The following CYP4F12 variants were observed in gnomAD, a reference collection of about 807,000 sequenced individuals.
CYP4F12 encodes the protein cytochrome P450 4F12.
In CYP4F12, 60 loss-of-function variants were observed where a neutral mutation model predicts 56.5. That is an observed-to-expected ratio of 1.06 (90% CI 0.86 to 1.32). The LOEUF (loss-of-function observed/expected upper bound fraction) is 1.32, where lower values mean the gene tolerates loss of function less well. CYP4F12 is among the 40% of genes most tolerant of loss of function. The pLI is 0.00. For synonymous variants in CYP4F12, 263 were observed against 264.9 expected, an observed-to-expected ratio of 0.99 and a Z score of 0.07; for missense variants, 711 against 683.5, an observed-to-expected ratio of 1.04 and a Z score of -0.45.
Position 15,673,589 on chromosome 19 carries a change from A to C in CYP4F12, c.60A>C (p.Leu20=), listed in dbSNP as rs2006733422. Residue 20 remains leucine, a synonymous_variant, in exon 2 of 13, where the codon CTA becomes CTC. Coordinates refer to ENST00000550308, the MANE Select transcript of CYP4F12 (RefSeq NM_023944.4). Reference sequence around the variant, plus strand: ...GACCGGTGGCAACGTCCCCATGGCTACTCCTGCTGCTGGTTGTGGGCTCCT... The same window carrying C: ...GACCGGTGGCAACGTCCCCATGGCTCCTCCTGCTGCTGGTTGTGGGCTCCT... ...GLRPVATSPW[L]LLLLVVGSWL... The C allele has an allele frequency of 6.2e-7, 1 of 1,613,524 alleles. No homozygotes were observed. The highest frequency in any genetic ancestry group is 1.1e-5 in the South Asian group (1 of 91,064).
At position 15,683,567 on chromosome 19, in the gene CYP4F12, A is replaced by C. The variant is rs982836236; in HGVS notation, c.722A>C (p.Gln241Pro). 5 of 1,614,024 alleles carry C rather than the reference A, an allele frequency of 3.1e-6. No individual in the cohort carries two copies. The African/African-American group carries it at 6.7e-5, about 22-fold the overall frequency. Residue 241 changes from glutamine to proline, a missense_variant, in exon 7 of 13, where the codon CAG becomes CCG. By Grantham distance (76) the Gln-to-Pro change is moderately conservative. Transcript: ENST00000550308. Reference protein sequence around the residue: ...LVEKRSQHILQHMDFLYYLSH... With the variant: ...LVEKRSQHILPHMDFLYYLSH... ...GAGAAAAGAAGCCAGCATATCCTCC[A>C]GCACATGGACTTTCTGTATTACCTC...
intron 3 of CYP4F12, among the ~76,000 whole-genome samples, chr19:15,679,099 AG>A (rs1222581792): frequency 6.6e-6 from 1 of 152,180 alleles, no homozygotes; most frequent in Non-Finnish European, 1.5e-5. Flanking sequence ...TGGACACACC[AG>A]GCTGAGCTAG....
intron 4 of CYP4F12, 40 bp downstream of exon 4, chr19:15,680,337 C>A (rs372150293): frequency 3.7e-6 from 6 of 1,613,158 alleles, no homozygotes; most frequent in Middle Eastern, 1.7e-4. Flanking sequence ...GACAACCTTG[C>A]GGGGAGGGTA....
intron 5 of CYP4F12, 155 bp from the exon 6 acceptor site, chr19:15,682,234 C>G (rs2007338882): frequency 5.1e-6 from 5 of 987,286 alleles, no homozygotes; most frequent in Non-Finnish European, 4.3e-6. Flanking sequence ...CTAACAGTTT[C>G]TGCTCGCATC....
In CYP4F12 at chr19:15,678,244, C is replaced by G. The variant is rs1274784811; in HGVS notation, c.199-17C>G. The G allele has an allele frequency of 2.5e-6, 4 of 1,613,956 alleles. No individual in the cohort carries two copies. In the African/African-American group the frequency reaches 5.3e-5, roughly 22 times the overall value. ...ATTAACCATCACAGGAAGTGACAGC[C>G]CTTGACTTGCTTTCAGATCACTCCT... On this transcript the variant is annotated splice_polypyrimidine_tract_variant and intron_variant, in intron 2 of 12. Transcript: ENST00000550308.
Position 15,695,776 on chromosome 19 carries a change from T to A in CYP4F12, c.1116-160T>A, listed in dbSNP as rs111773067. Among the ~76,000 whole-genome samples the A allele has an allele frequency of 8.9e-3, 1,350 of 152,336 alleles. 15 individuals are homozygous for A. The highest frequency in any genetic ancestry group is 0.031 in the African/African-American group (1,284 of 41,550). On this transcript the variant is annotated intron_variant, in intron 9 of 12. Coordinates refer to ENST00000550308, the MANE Select transcript of CYP4F12 (RefSeq NM_023944.4). ...TTTCTCTGGTACTTTTCTAATTCTC[T>A]GCTTCTCTAATTGTTTTCTGCTTTT... is the stretch of plus-strand genomic sequence containing the variant.
intron 2 of CYP4F12, 23 bp from the exon 3 acceptor site, chr19:15,678,238 G>A (rs767466525): frequency 6.2e-7 from 1 of 1,613,990 alleles, no homozygotes; most frequent in South Asian, 1.1e-5. Context: ...CACAGGAAGT[G>A]ACAGCCCTTG....
At position 15,680,273 on chromosome 19, in the gene CYP4F12, A is replaced by T. The variant is rs202117206; in HGVS notation, c.373A>T (p.Ile125Phe). 49 of 1,610,688 alleles carry T rather than the reference A, an allele frequency of 3.0e-5. No homozygotes were observed. In the Admixed American group the frequency reaches 7.2e-4, roughly 24 times the overall value. ...AAIAPKDNLF[I>F]RFLKPWLGEG... ...CATTGCACCCAAGGATAATCTCTTCATCAGGTTCCTGAAGCCCTGGCTGGG... is the reference window on the plus strand; with the variant it reads ...CATTGCACCCAAGGATAATCTCTTCTTCAGGTTCCTGAAGCCCTGGCTGGG... The change falls in exon 4 of 13, where the codon ATC becomes TTC. Residue 125 changes from isoleucine (I) to phenylalanine (F), a missense_variant. Transcript: ENST00000550308.
Position 15,697,134 on chromosome 19 carries a change from G to A in CYP4F12, c.*49G>A, listed in dbSNP as rs1355302324. ...TTTTGCAGATTGTCATGAATAAAAC[G>A]GTGCTGTCACCTCTGCCTGGGCCTC... On this transcript the variant is annotated 3_prime_UTR_variant, in exon 13 of 13. Transcript: ENST00000550308. The A allele has an allele frequency of 8.3e-6, 13 of 1,575,286 alleles. No homozygotes were observed. The highest frequency in any genetic ancestry group is 1.1e-5 in the Non-Finnish European group (13 of 1,154,944).
At position 15,686,598 on chromosome 19, in the gene CYP4F12, G is replaced by A. The variant is rs540641121; in HGVS notation, c.1115+1401G>A. Among the ~76,000 whole-genome samples the A allele has an allele frequency of 2.4e-4, 37 of 152,310 alleles. 2 individuals are homozygous for A. The South Asian group carries it at 7.5e-3, about 31-fold the overall frequency. ...GAGTTGTGATGAGATAATAACTATG[G>A]TAGTGAAAGCAGAGTCTGGCTGTGG... On this transcript the variant is annotated intron_variant, in intron 9 of 12. Coordinates refer to ENST00000550308, the MANE Select transcript of CYP4F12 (RefSeq NM_023944.4).
At chr19:15,692,114 A>G (rs2007899038) in intron 9 of CYP4F12, among the ~76,000 whole-genome samples, 1 of 151,992 alleles carries the variant, frequency 6.6e-6, no homozygotes, top group Non-Finnish European at 1.5e-5. Flanking sequence ...ACCCTCCACC[A>G]CGCCTGGCTA....
At chr19:15,692,710 C>A (rs958952571) in intron 9 of CYP4F12, among the ~76,000 whole-genome samples, 1 of 152,016 alleles carries the variant, frequency 6.6e-6, no homozygotes, top group African/African-American at 2.4e-5. Context: ...TTCATAGCGC[C>A]AGAGTAGGGA....
chr19:15,682,130 A>G lies in CYP4F12; in HGVS notation c.526-259A>G, dbSNP rs1036336241. The G allele has an allele frequency of 3.1e-5, 11 of 350,042 alleles. No homozygotes were observed. In the South Asian group the frequency reaches 3.4e-4, roughly 11 times the overall value. The allele number at this position is 350,042 out of a possible 1,614,324, so 21.7% of individuals were successfully genotyped here. Reference sequence around the variant, plus strand: ...GACAGGTGGGACCTAGAGGAGGGCAATATGTTGACCAAGGGCACATAGAGC... The same window carrying G: ...GACAGGTGGGACCTAGAGGAGGGCAGTATGTTGACCAAGGGCACATAGAGC... On this transcript the variant is annotated intron_variant, in intron 5 of 12. Transcript: ENST00000550308.
intron 5 of CYP4F12, chr19:15,681,895 C>CT (rs2007320181): frequency 6.5e-6 from 1 of 153,370 alleles, no homozygotes; most frequent in African/African-American, 2.4e-5. Context: ...GTCCCAATGC[C>CT]AGGATATAAG....
At position 15,676,761 on chromosome 19, in the gene CYP4F12, CCTCA is replaced by C. The variant is rs2006952867; in HGVS notation, c.199-1491_199-1488del. ...CCTCTCCTCACTCACTCATTCCCCT[CCTCA>C]CTCACTCATTTCTCTCCTCACTCAT... On this transcript the variant is annotated intron_variant, in intron 2 of 12. Coordinates refer to ENST00000550308, the MANE Select transcript of CYP4F12 (RefSeq NM_023944.4). Among the ~76,000 whole-genome samples the C allele has an allele frequency of 1.1e-4, 2 of 17,532 alleles. 1 individual carries two copies. Among genetic ancestry groups the C allele is most frequent in the Non-Finnish European group, 2.5e-4 (2 of 8,078 alleles). The allele number at this position is 17,532 out of a possible 152,430, so 11.5% of individuals were successfully genotyped here.
chr19:15,676,064 G>T (rs1457605280), intron 2 of CYP4F12, among the ~76,000 whole-genome samples: 6 of 152,150 alleles, frequency 3.9e-5, no homozygotes, highest in Non-Finnish European at 7.4e-5. Flanking sequence ...AGTTCTGAGG[G>T]CAGGAGAAGA....
chr19:15,685,027 C>T (rs1382164893), intron 8 of CYP4F12, 41 bp from the exon 9 acceptor site: 2 of 1,601,472 alleles, frequency 1.2e-6, no homozygotes, highest in Non-Finnish European at 1.7e-6. Context: ...GCGCTGTCCA[C>T]CCTCCGGTGC....
chr19:15,680,567 G>T, intron 5 of CYP4F12, 48 bp downstream of exon 5: 1 of 1,613,592 alleles, frequency 6.2e-7, no homozygotes, highest in South Asian at 1.1e-5. Flanking sequence ...GGGGTGGAGG[G>T]ACCATGGACA....
At position 15,680,422 on chromosome 19, in the gene CYP4F12, A is replaced by C. The variant is rs1224328910; in HGVS notation, c.428A>C (p.Lys143Thr). The C allele has an allele frequency of 6.2e-6, 10 of 1,613,774 alleles. No individual in the cohort carries two copies. Among genetic ancestry groups the C allele is most frequent in the Non-Finnish European group, 7.6e-6 (9 of 1,179,942 alleles). ...GEGILLSGGD[K>T]WSRHRRMLTP... ...GGGATACTGCTGAGTGGCGGTGACA[A>C]GTGGAGCCGCCACCGTCGGATGCTG... Residue 143 changes from lysine to threonine, a missense_variant, in exon 5 of 13, where the codon AAG (lysine) becomes ACG (threonine). Physicochemically the swap from Lys to Thr is moderately conservative, Grantham distance 78 (BLOSUM62 -1). Transcript: ENST00000550308.
Sources: gnomAD v4.1 joint callset for allele counts (sites outside exome capture counted in the v4.1 genomes callset) on GRCh38, gnomAD v4.1.1 for gene constraint, MANE v1.5 for transcripts, NCBI Gene and HGNC (gene_info 2026-07-23, HGNC 2026-07-21) for gene names.